DIAPH2: variants seen among roughly 807,000 people sequenced by gnomAD.
The protein encoded by DIAPH2 is diaphanous related formin 2, also known as protein diaphanous homolog 2.
A neutral mutation model predicts 92.7 loss-of-function variants in DIAPH2; 35 were observed. The observed-to-expected ratio is 0.38, with a 90% confidence interval of 0.29 to 0.50. The LOEUF (loss-of-function observed/expected upper bound fraction) is 0.50, where lower values mean the gene tolerates loss of function less well. DIAPH2 is among the 20% of genes least tolerant of loss of function. The pLI is 0.94. For missense variants in DIAPH2, 701 were observed against 819.5 expected, an observed-to-expected ratio of 0.86 and a Z score of 1.77; for synonymous variants, 301 against 280.4, an observed-to-expected ratio of 1.07 and a Z score of -0.73.
intron 3 of DIAPH2, among the ~76,000 whole-genome samples, chrX:96,749,141 A>T (rs1381678806): frequency 1.6e-3 from 130 of 79,072 alleles, no homozygotes; most frequent in African/African-American, 7.2e-3. Context: ...AAAAAAAAAA[A>T]AAAAATATAT....
intron 23 of DIAPH2, among the ~76,000 whole-genome samples, chrX:97,305,813 G>A: frequency 1.1e-5 from 1 of 91,155 alleles, no homozygotes; most frequent in East Asian, 3.2e-4. Context: ...GACAGAGCGA[G>A]ACTCCTTCTC....
intron 25 of DIAPH2, among the ~76,000 whole-genome samples, chrX:97,407,636 A>G (rs1353493199): frequency 8.9e-6 from 1 of 112,184 alleles, no homozygotes; most frequent in Non-Finnish European, 1.9e-5. Flanking sequence ...ATAGTTAAAA[A>G]CAAATTTGAA....
intron 21 of DIAPH2, among the ~76,000 whole-genome samples, chrX:97,123,176 T>A (rs1181441414): frequency 8.9e-6 from 1 of 111,979 alleles, no homozygotes; most frequent in Non-Finnish European, 1.9e-5. Flanking sequence ...ATGTGATGGT[T>A]GACCTTTATT....
At chrX:97,221,847 C>CTT (rs1285052571) in intron 22 of DIAPH2, among the ~76,000 whole-genome samples, 2 of 103,557 alleles carry the variant, frequency 1.9e-5, no homozygotes, top group African/African-American at 3.5e-5. Flanking sequence ...TTTGCTCCTT[C>CTT]TTTTTTTTTT....
intron 26 of DIAPH2, among the ~76,000 whole-genome samples, chrX:97,434,436 G>A (rs1439599959): frequency 9.8e-6 from 1 of 102,292 alleles, no homozygotes; most frequent in Non-Finnish European, 2.0e-5. Context: ...TTGAGAAGGA[G>A]TCTCACTCTG....
At chrX:97,418,907 T>C (rs968947566) in intron 25 of DIAPH2, among the ~76,000 whole-genome samples, 2 of 111,869 alleles carry the variant, frequency 1.8e-5, no homozygotes, top group Admixed American at 9.5e-5. Flanking sequence ...TCTTGTGTCA[T>C]TCTTGGCTTT....
chrX:97,019,184 T>C (rs2066280621), intron 17 of DIAPH2, among the ~76,000 whole-genome samples: 2 of 111,956 alleles, frequency 1.8e-5, no homozygotes, highest in African/African-American at 6.5e-5. Flanking sequence ...TGTGCTCAGG[T>C]TTTTCCTGTG....
chrX:97,334,998 C>CAAAAAAAAAAAAAAA (rs746536131), intron 23 of DIAPH2, among the ~76,000 whole-genome samples: 216 of 31,217 alleles, frequency 6.9e-3, no homozygotes, highest in Non-Finnish European at 0.01. Context: ...AAAAACAAAA[C>CAAAAAAAAAAAAAAA]AAAAAAAAAA....
Position 97,079,815 on chromosome X carries a change from T to C in DIAPH2, c.2247+4554T>C, listed in dbSNP as rs766853889. On this transcript the variant is annotated intron_variant, in intron 19 of 26. Coordinates refer to ENST00000324765, the MANE Select transcript of DIAPH2 (RefSeq NM_006729.5). ...ATGGCCAGGATGCTATAGTGTATCATCAAAGCCAACACAAGAGGCTTTTAA... is the reference window on the plus strand; with the variant it reads ...ATGGCCAGGATGCTATAGTGTATCACCAAAGCCAACACAAGAGGCTTTTAA... Among the ~76,000 whole-genome samples the C allele has an allele frequency of 4.5e-5, 5 of 111,560 alleles. No homozygotes were observed. The East Asian group carries it at 1.4e-3, about 32-fold the overall frequency.
intron 4 of DIAPH2, among the ~76,000 whole-genome samples, chrX:96,776,017 CAGTTAT>C (rs1189465823): frequency 9.0e-6 from 1 of 111,225 alleles, no homozygotes; most frequent in Non-Finnish European, 1.9e-5. Context: ...GTTTAGAAGC[CAGTTAT>C]AGTTATAAAC....
intron 23 of DIAPH2, among the ~76,000 whole-genome samples, chrX:97,251,606 A>G (rs60885118): frequency 0.024 from 2,689 of 110,879 alleles, 87 homozygotes; most frequent in African/African-American, 0.083. Flanking sequence ...TATTTTTAGT[A>G]AAGAAGGGGT....
At chrX:96,883,085 A>G (rs1285913222) in intron 5 of DIAPH2, among the ~76,000 whole-genome samples, 1 of 109,866 alleles carries the variant, frequency 9.1e-6, no homozygotes, top group Admixed American at 9.8e-5. Flanking sequence ...GATTTTATCC[A>G]TGTTTTTCCT....
chrX:97,233,305 C>A (rs1210864115), intron 22 of DIAPH2, among the ~76,000 whole-genome samples: 1 of 112,625 alleles, frequency 8.9e-6, no homozygotes, highest in Non-Finnish European at 1.9e-5. Flanking sequence ...ACACATGAGA[C>A]TTCATAACTT....
rs768509878 is a variant in DIAPH2, at chrX:97,465,941, G to C, written c.3241+36196G>C. ...GACCTCAGGTGATCCACCCACCTCA[G>C]CCTCCCAAAGTGCTGGGATTACAAG... On this transcript the variant is annotated intron_variant, in intron 26 of 26. Transcript: ENST00000324765. Among the ~76,000 whole-genome samples, 16 of 111,704 alleles carry C rather than the reference G, an allele frequency of 1.4e-4. No homozygotes were observed. In the Admixed American group the frequency reaches 1.5e-3, roughly 11 times the overall value.
chrX:97,195,846 T>A (rs1194610316), intron 22 of DIAPH2, among the ~76,000 whole-genome samples: 1 of 108,128 alleles, frequency 9.2e-6, no homozygotes, highest in Non-Finnish European at 1.9e-5. Flanking sequence ...AGAGTAAGCA[T>A]CCATGGGGCA....
At chrX:97,111,612 C>T (rs1002365185) in intron 20 of DIAPH2, among the ~76,000 whole-genome samples, 7 of 111,787 alleles carry the variant, frequency 6.3e-5, no homozygotes, top group African/African-American at 2.0e-4. Flanking sequence ...CTTTTATATC[C>T]ATTGTTTTCT....
chrX:97,366,749 A>C (rs2069385097), intron 24 of DIAPH2, among the ~76,000 whole-genome samples: 1 of 111,851 alleles, frequency 8.9e-6, no homozygotes, highest in South Asian at 3.7e-4. Context: ...TTGAAGAAAG[A>C]ATTGAAAATT....
At chrX:97,386,423 A>C (rs966846081) in intron 25 of DIAPH2, among the ~76,000 whole-genome samples, 7 of 112,022 alleles carry the variant, frequency 6.2e-5, no homozygotes, top group Non-Finnish European at 1.1e-4. Context: ...TAATCCCAGC[A>C]CTTTGGGAGG....
At chrX:97,539,834 A>G (rs191573217) in intron 26 of DIAPH2, among the ~76,000 whole-genome samples, 2 of 111,708 alleles carry the variant, frequency 1.8e-5, no homozygotes, top group African/African-American at 3.2e-5. Context: ...ACCATGGAAG[A>G]TAAGAAAACA....
Sources: gnomAD v4.1 joint callset for allele counts (sites outside exome capture counted in the v4.1 genomes callset) on GRCh38, gnomAD v4.1.1 for gene constraint, MANE v1.5 for transcripts, NCBI Gene and HGNC (gene_info 2026-07-23, HGNC 2026-07-21) for gene names.